The following SLC16A7 variants were observed in gnomAD, a reference collection of about 807,000 sequenced individuals.
SLC16A7 encodes the protein solute carrier family 16 member 7, also known as monocarboxylate transporter 2.
In SLC16A7, 33 loss-of-function variants were observed where a neutral mutation model predicts 34.9. That is an observed-to-expected ratio of 0.94 (90% CI 0.72 to 1.26). The LOEUF is 1.26. SLC16A7 is among the 50% of genes most tolerant of loss of function. The pLI is 0.00. For synonymous variants in SLC16A7, 201 were observed against 206.6 expected, an observed-to-expected ratio of 0.97 and a Z score of 0.23; for missense variants, 573 against 578.1, an observed-to-expected ratio of 0.99 and a Z score of 0.09.
rs577481726 is a variant in SLC16A7, at chr12:59,775,353, G to A, written c.1058G>A (p.Ser353Asn). ...GTATTTTTTGGCCTTGGATTTGGGA[G>A]TGTTAGCAGTGTTCTCTTTGAAACT... is the stretch of plus-strand genomic sequence containing the variant. ...YAVFFGLGFG[S>N]VSSVLFETLM... Residue 353 changes from serine to asparagine, a missense_variant, in exon 5 of 6, where the codon AGT (serine) becomes AAT (asparagine). Transcript: ENST00000547379. The A allele has an allele frequency of 3.1e-6, 5 of 1,614,154 alleles. No homozygotes were observed. The South Asian group carries it at 3.3e-5, about 11-fold the overall frequency.
At chr12:59,756,500 G>C (rs902521925) in intron 3 of SLC16A7, among the ~76,000 whole-genome samples, 6 of 152,088 alleles carry the variant, frequency 3.9e-5, no homozygotes, top group African/African-American at 1.5e-4. Context: ...AAAAACACAT[G>C]TAAAAATGCT....
intron 1 of SLC16A7, among the ~76,000 whole-genome samples, chr12:59,629,417 T>A (rs1185564606): frequency 6.6e-6 from 1 of 152,006 alleles, no homozygotes; most frequent in Non-Finnish European, 1.5e-5. Flanking sequence ...ATTCAGAAGC[T>A]ATGTGCCTAT....
chr12:59,650,505 G>A (rs1187584313), intron 1 of SLC16A7, among the ~76,000 whole-genome samples: 1 of 152,086 alleles, frequency 6.6e-6, no homozygotes, highest in Non-Finnish European at 1.5e-5. Context: ...TCCAAGCAGA[G>A]TATTTCCTCT....
intron 3 of SLC16A7, among the ~76,000 whole-genome samples, chr12:59,748,155 C>T (rs1276829039): frequency 2.0e-5 from 3 of 151,976 alleles, no homozygotes; most frequent in African/African-American, 4.8e-5. Context: ...AGTGGAGAGG[C>T]GTGGGTCAAA....
intron 2 of SLC16A7, among the ~76,000 whole-genome samples, chr12:59,665,140 CTGTAT>C (rs1368308465): frequency 6.6e-6 from 1 of 151,894 alleles, no homozygotes; most frequent in East Asian, 1.9e-4. Context: ...AGGAGAGATT[CTGTAT>C]TGTATTAGAT....
intron 1 of SLC16A7, among the ~76,000 whole-genome samples, chr12:59,641,843 C>T (rs191319958): frequency 1.3e-4 from 19 of 151,988 alleles, no homozygotes; most frequent in Admixed American, 1.0e-3. Context: ...GTCTTTGTGG[C>T]CCTTTCCTAG....
chr12:59,667,738 C>A (rs1021554699), intron 2 of SLC16A7, among the ~76,000 whole-genome samples: 2 of 152,194 alleles, frequency 1.3e-5, no homozygotes, highest in African/African-American at 4.8e-5. Flanking sequence ...ATGCTAATCA[C>A]CAAGACAATG....
intron 3 of SLC16A7, among the ~76,000 whole-genome samples, chr12:59,714,050 C>T (rs992422356): frequency 5.9e-5 from 9 of 152,144 alleles, no homozygotes; most frequent in African/African-American, 2.2e-4. Context: ...ATTGAGTGAT[C>T]AGGCAATATT....
At chr12:59,716,357 T>A (rs564403753) in intron 3 of SLC16A7, among the ~76,000 whole-genome samples, 133 of 152,080 alleles carry the variant, frequency 8.7e-4, no homozygotes, top group Non-Finnish European at 1.6e-3. Context: ...CCGATCTACG[T>A]CAGATTCATC....
intron 2 of SLC16A7, among the ~76,000 whole-genome samples, chr12:59,679,684 C>G (rs1409297573): frequency 6.6e-6 from 1 of 152,100 alleles, no homozygotes; most frequent in African/African-American, 2.4e-5. Context: ...TATCTTATGT[C>G]TTAGTCATCT....
At chr12:59,658,153 T>A (rs1354341735) in intron 2 of SLC16A7, among the ~76,000 whole-genome samples, 2 of 152,024 alleles carry the variant, frequency 1.3e-5, no homozygotes, top group African/African-American at 4.8e-5. Context: ...CAGATATCAA[T>A]AATCACATGG....
intron 3 of SLC16A7, among the ~76,000 whole-genome samples, chr12:59,750,360 A>G (rs4583011): frequency 0.27 from 40,589 of 152,114 alleles, 5,497 homozygotes; most frequent in East Asian, 0.31. Flanking sequence ...AATGTAAACA[A>G]ATTTACAAGA....
At chr12:59,735,549 G>A (rs1478774394) in intron 3 of SLC16A7, among the ~76,000 whole-genome samples, 1 of 152,132 alleles carries the variant, frequency 6.6e-6, no homozygotes. Context: ...GATGTCAGAT[G>A]AGAAAATATG....
At chr12:59,702,045 G>A (rs935139940) in intron 2 of SLC16A7, among the ~76,000 whole-genome samples, 1 of 151,714 alleles carries the variant, frequency 6.6e-6, no homozygotes, top group Admixed American at 6.6e-5. Context: ...CCACATAAAT[G>A]TCCTTCGGTA....
chr12:59,763,917 A>G (rs1358142148), intron 3 of SLC16A7: 5 of 152,186 alleles, frequency 3.3e-5, no homozygotes, highest in Non-Finnish European at 5.9e-5. Context: ...TCACTACTCC[A>G]TAGACCAGCT....
At chr12:59,734,789 C>T (rs1245394413) in intron 3 of SLC16A7, among the ~76,000 whole-genome samples, 1 of 152,192 alleles carries the variant, frequency 6.6e-6, no homozygotes, top group Non-Finnish European at 1.5e-5. Flanking sequence ...TCATTTGTAA[C>T]TAGATATTAT....
At chr12:59,735,930 G>GA in intron 3 of SLC16A7, 5 of 1,251,680 alleles carry the variant, frequency 4.0e-6, no homozygotes, top group South Asian at 1.3e-5. Flanking sequence ...ACTTTGATAG[G>GA]AAAAAAGGAG....
chr12:59,752,370 G>C (rs185011413), intron 3 of SLC16A7, among the ~76,000 whole-genome samples: 1,815 of 152,208 alleles, frequency 0.012, 25 homozygotes, highest in Non-Finnish European at 0.02. Context: ...AAATTTAGAC[G>C]AATGTATAAC....
At chr12:59,692,678 T>G (rs1300718141) in intron 2 of SLC16A7, among the ~76,000 whole-genome samples, 18 of 152,036 alleles carry the variant, frequency 1.2e-4, no homozygotes, top group Non-Finnish European at 1.6e-4. Context: ...TTTTAGTTAG[T>G]TTGACCCTTA....
Sources: gnomAD v4.1 joint callset for allele counts (sites outside exome capture counted in the v4.1 genomes callset) on GRCh38, gnomAD v4.1.1 for gene constraint, MANE v1.5 for transcripts, NCBI Gene and HGNC (gene_info 2026-07-23, HGNC 2026-07-21) for gene names.